Variants in ARFGEF3 observed in about 807,000 individuals in gnomAD.
ARFGEF3 encodes ARFGEF family member 3, also known as brefeldin A-inhibited guanine nucleotide-exchange protein 3.
In ARFGEF3, 96 loss-of-function variants were observed where a neutral mutation model predicts 221.7. The ratio of observed to expected loss-of-function variants is 0.43; its 90% CI spans 0.37 to 0.51. The LOEUF (loss-of-function observed/expected upper bound fraction) is 0.51. Among genes scored for constraint, ARFGEF3 ranks in the 20% least tolerant of loss-of-function variants. ARFGEF3 has a pLI of 0.00. For missense variants in ARFGEF3, 2,410 were observed against 2,789.9 expected, an observed-to-expected ratio of 0.86 and a Z score of 3.07; for synonymous variants, 1,145 against 1,126.8, an observed-to-expected ratio of 1.02 and a Z score of -0.32.
intron 14 of ARFGEF3, 86 bp downstream of exon 14, chr6:138,280,250 C>A: frequency 7.3e-7 from 1 of 1,360,832 alleles, no homozygotes; most frequent in Non-Finnish European, 1.0e-6. Flanking sequence ...AGTGTTGGTG[C>A]TTGGAGCAGA....
At chr6:138,292,267 G>A (rs370448488) in intron 19 of ARFGEF3, among the ~76,000 whole-genome samples, 2 of 152,166 alleles carry the variant, frequency 1.3e-5, no homozygotes, top group African/African-American at 4.8e-5. Flanking sequence ...GGCCACCTGG[G>A]GTCAAAGCGC....
intron 7 of ARFGEF3, 71 bp from the exon 8 acceptor site, chr6:138,245,442 G>A (rs1030071643): frequency 1.5e-5 from 15 of 1,033,832 alleles, no homozygotes; most frequent in Non-Finnish European, 2.2e-5. Flanking sequence ...TGGAGGATGG[G>A]AAGGATGGTT....
chr6:138,249,512 G>A (rs892093635), intron 8 of ARFGEF3, among the ~76,000 whole-genome samples: 3 of 151,982 alleles, frequency 2.0e-5, no homozygotes, highest in Non-Finnish European at 2.9e-5. Flanking sequence ...TATATTTTTG[G>A]TAGAGGCGAG....
intron 30 of ARFGEF3, 99 bp downstream of exon 30, chr6:138,323,872 C>T: frequency 6.6e-7 from 1 of 1,514,436 alleles, no homozygotes; most frequent in Non-Finnish European, 9.1e-7. Flanking sequence ...CTCCTCTGAG[C>T]AGGCAGTCTC....
rs771307268 is a variant in ARFGEF3 at position 138,262,729 on chromosome 6, A to C, written c.1246A>C (p.Ile416Leu). Residue 416 changes from isoleucine (I) to leucine (L), a missense_variant, in exon 12 of 34, where the codon ATC becomes CTC. Around this residue, in one of 5 missense-constraint regions of ARFGEF3, gnomAD observed 570 missense variants for 586.9 expected, o/e 0.97. Transcript: ENST00000251691. ...CATGGATGGCATGACCGAAGCATGC[A>C]TCAAGGGTGGCATCGAAGCTTGCTA... ...LIMDGMTEAC[I>L]KGGIEACYAA... 1 of 1,609,178 alleles carries C rather than the reference A, an allele frequency of 6.2e-7. No individual in the cohort carries two copies. The highest frequency in any genetic ancestry group is 8.5e-7 in the Non-Finnish European group (1 of 1,175,898).
chr6:138,178,512 C>A lies in ARFGEF3; in HGVS notation c.137+7799C>A, dbSNP rs559563676. ...AATTTCCTAGGTAGAAATTATATTT[C>A]TCTCCCTTGTGTCCTCACCGTTCTT... On this transcript the variant is annotated intron_variant, in intron 2 of 33. Coordinates refer to ENST00000251691, the MANE Select transcript of ARFGEF3 (RefSeq NM_020340.5). 3.3e-4 allele frequency among the ~76,000 whole-genome samples: 51 copies of A among 152,288 alleles called. No homozygotes were observed. In the South Asian group the frequency reaches 0.01, roughly 30 times the overall value.
rs1779049418 is a variant in ARFGEF3 at position 138,273,979 on chromosome 6, C to G, written c.2129-4472C>G. Among the ~76,000 whole-genome samples the G allele has an allele frequency of 2.0e-5, 3 of 152,322 alleles. No homozygotes were observed. The South Asian group carries it at 6.2e-4, about 32-fold the overall frequency. On this transcript the variant is annotated intron_variant, in intron 12 of 33. Coordinates refer to ENST00000251691, the MANE Select transcript of ARFGEF3 (RefSeq NM_020340.5). ...GCCTGCAGATGTAGGCTGGTACCAA[C>G]AGATTACCTGCAACAAAGGTAACCT...
At chr6:138,278,915 T>A (rs778957196) in intron 13 of ARFGEF3, among the ~76,000 whole-genome samples, 5 of 152,228 alleles carry the variant, frequency 3.3e-5, no homozygotes, top group Admixed American at 1.3e-4. Context: ...TCATCTCATG[T>A]CATTATTAAA....
At chr6:138,333,268 CATGTGATGGGTCATAAT>C (rs1300378425) in intron 32 of ARFGEF3, among the ~76,000 whole-genome samples, 1 of 152,206 alleles carries the variant, frequency 6.6e-6, no homozygotes, top group Non-Finnish European at 1.5e-5. Context: ...CATCTGACCT[CATGTGATGGGTCATAAT>C]AGGAAAACCC....
In ARFGEF3 at chr6:138,184,021, C is replaced by T. The variant is rs75631204; in HGVS notation, c.137+13308C>T. ...GGGCTCGCTCTCAGAACCCTCTGTG[C>T]GTTACTGATGTGGACTGAGGCAGCA... On this transcript the variant is annotated intron_variant, in intron 2 of 33. Transcript: ENST00000251691. 5.9e-5 allele frequency among the ~76,000 whole-genome samples: 9 copies of T among 152,288 alleles called. No individual in the cohort carries two copies. In the East Asian group the frequency reaches 7.7e-4, roughly 13 times the overall value.
chr6:138,297,806 G>C (rs1409495329), intron 21 of ARFGEF3, among the ~76,000 whole-genome samples: 1 of 152,152 alleles, frequency 6.6e-6, no homozygotes, highest in East Asian at 1.9e-4. Context: ...TCTCTGGGTA[G>C]TTCTGGTGTT....
chr6:138,313,259 G>A (rs1213969746), intron 25 of ARFGEF3, among the ~76,000 whole-genome samples: 2 of 152,156 alleles, frequency 1.3e-5, no homozygotes, highest in African/African-American at 4.8e-5. Flanking sequence ...GTCCCAAGAG[G>A]GGACTAAAGA....
At position 138,334,269 on chromosome 6, in the gene ARFGEF3, G is replaced by T. The variant is rs1421879647; in HGVS notation, c.5423G>T (p.Arg1808Leu). 6.2e-7 allele frequency: 1 copy of T among 1,613,616 alleles called. No homozygotes were observed. The highest frequency in any genetic ancestry group is 1.6e-4 in the Middle Eastern group (1 of 6,062). ...SGIGGAANLY[R>L]QSAMSFNIYF... Reference sequence around the variant, plus strand: ...ATCGGGGGCGCCGCCAACCTCTACCGCCAGTCTGCGATGAGCTTTAACATT... The same window carrying T: ...ATCGGGGGCGCCGCCAACCTCTACCTCCAGTCTGCGATGAGCTTTAACATT... The change falls in exon 33 of 34, where the codon CGC (arginine) becomes CTC (leucine). Residue 1808 changes from arginine to leucine, a missense_variant. By Grantham distance (102) the Arg-to-Leu change is moderately radical. Transcript: ENST00000251691. The surrounding 1 kb of genome is among the most constrained non-coding windows in gnomAD (Gnocchi z 5.1).
intron 8 of ARFGEF3, among the ~76,000 whole-genome samples, chr6:138,251,348 AT>A (rs1022917320): frequency 2.6e-5 from 4 of 152,148 alleles, no homozygotes; most frequent in Non-Finnish European, 4.4e-5. Flanking sequence ...GCATTTCATA[AT>A]TTTTCTTCTT....
At chr6:138,215,648 C>A (rs1777828120) in intron 4 of ARFGEF3, among the ~76,000 whole-genome samples, 1 of 152,016 alleles carries the variant, frequency 6.6e-6, no homozygotes, top group Non-Finnish European at 1.5e-5. Flanking sequence ...CACTGCTATT[C>A]TTCTTGTGTA....
Position 138,262,833 on chromosome 6 carries a change from G to T in ARFGEF3, c.1350G>T (p.Gln450His). ...LSQGKGLSEG[Q>H]VQLLLLRLEE... Reference sequence around the variant, plus strand: ...AGGGGAAGGGCTTGAGCGAAGGTCAGGTGCAACTGCTGCTTCTGCGCCTTG... The same window carrying T: ...AGGGGAAGGGCTTGAGCGAAGGTCATGTGCAACTGCTGCTTCTGCGCCTTG... Residue 450 changes from glutamine (Q) to histidine (H), a missense_variant, in exon 12 of 34, where the codon CAG becomes CAT. This residue lies in a region of ARFGEF3 where 570 missense variants were observed against 586.9 expected (regional missense o/e 0.97). Transcript: ENST00000251691. 6.2e-7 allele frequency: 1 copy of T among 1,614,044 alleles called. No individual in the cohort carries two copies. The highest frequency in any genetic ancestry group is 8.5e-7 in the Non-Finnish European group (1 of 1,179,908).
At chr6:138,198,138 T>C (rs764314138) in intron 2 of ARFGEF3, among the ~76,000 whole-genome samples, 1 of 152,194 alleles carries the variant, frequency 6.6e-6, no homozygotes, top group Non-Finnish European at 1.5e-5. Flanking sequence ...CCATTTTATA[T>C]TATTTAGAAT....
At chr6:138,254,512 A>T (rs1778639782) in intron 9 of ARFGEF3, among the ~76,000 whole-genome samples, 4 of 152,048 alleles carry the variant, frequency 2.6e-5, no homozygotes, top group Admixed American at 2.6e-4. Context: ...TGGGCGGATC[A>T]CAAGGTCAGG....
intron 26 of ARFGEF3, among the ~76,000 whole-genome samples, chr6:138,316,655 G>C (rs1316434829): frequency 6.6e-6 from 1 of 151,814 alleles, no homozygotes; most frequent in African/African-American, 2.4e-5. Flanking sequence ...ACATAAACAT[G>C]ACACCACTAT....
Sources: gnomAD v4.1 joint callset for allele counts (sites outside exome capture counted in the v4.1 genomes callset) on GRCh38, gnomAD v4.1.1 for gene constraint, gnomAD v4.1.1 regional missense constraint, Gnocchi (gnomAD v3.1) non-coding constraint, MANE v1.5 for transcripts, NCBI Gene and HGNC (gene_info 2026-07-23, HGNC 2026-07-21) for gene names.